The following RETREG1 variants were observed in gnomAD, a reference collection of about 807,000 sequenced individuals.
RETREG1 encodes family with sequence similarity 134 member B.
RETREG1 carries 44 observed loss-of-function variants against 54.8 expected under a neutral mutation model. The observed-to-expected ratio is 0.80, with a 90% CI of 0.63 to 1.03. The LOEUF is 1.03. RETREG1 is among the 50% of genes least tolerant of loss of function. The pLI, the probability that RETREG1 is intolerant of heterozygous loss-of-function variation, is 0.00. For missense variants in RETREG1, 554 were observed against 605.1 expected (o/e 0.92, Z 0.89); for synonymous variants, 217 against 238.5 (o/e 0.91, Z 0.83).
rs567475517 is a variant in RETREG1 at position 16,489,082 on chromosome 5, C to CAAAAAA, written c.459-5616_459-5611dup. 4.4e-4 allele frequency among the ~76,000 whole-genome samples: 28 copies of CAAAAAA among 62,974 alleles called. 1 individual carries two copies. Among genetic ancestry groups the CAAAAAA allele is most frequent in the Non-Finnish European group, 6.5e-4 (23 of 35,304 alleles). 41.3% of individuals were successfully genotyped at this position (62,974 alleles called of 152,430 possible). On this transcript the variant is annotated intron_variant, in intron 3 of 8. Transcript: ENST00000306320. ...TGGGCAACAGAGCGAGATTCTGTCTCAAAAAAAAAAAAAAAAAAAAAAAAA... is the reference window on the plus strand; with the variant it reads ...TGGGCAACAGAGCGAGATTCTGTCTCAAAAAAAAAAAAAAAAAAAAAAAAAAAAAAA...
chr5:16,494,217 T>C (rs926526453), intron 3 of RETREG1, among the ~76,000 whole-genome samples: 4 of 152,212 alleles, frequency 2.6e-5, no homozygotes, highest in Non-Finnish European at 4.4e-5. Context: ...TAAGCTATTA[T>C]GTAAATAGTA....
Position 16,606,215 on chromosome 5 carries a change from G to T in RETREG1, c.320+10437C>A, listed in dbSNP as rs992645438. On this transcript the variant is annotated intron_variant, in intron 1 of 8. Transcript: ENST00000306320. Reference sequence around the variant, plus strand: ...CAGCTAAGGCCAGGAAGGAGCAATTGCAAGTCAAGTACTGGATGACATTCG... The same window carrying T: ...CAGCTAAGGCCAGGAAGGAGCAATTTCAAGTCAAGTACTGGATGACATTCG... Among the ~76,000 whole-genome samples, 8 of 152,146 alleles carry T rather than the reference G, an allele frequency of 5.3e-5. No individual in the cohort carries two copies. In the South Asian group the frequency reaches 1.2e-3, roughly 24 times the overall value.
chr5:16,509,716 GCCA>G (rs752624169), intron 3 of RETREG1, among the ~76,000 whole-genome samples: 12 of 152,024 alleles, frequency 7.9e-5, no homozygotes, highest in Non-Finnish European at 1.8e-4. Flanking sequence ...AAAATGTGTT[GCCA>G]GGTGCTGTGG....
Position 16,474,724 on chromosome 5 carries a change from G to A in RETREG1, c.*17C>T. On this transcript the variant is annotated 3_prime_UTR_variant, in exon 9 of 9. Coordinates refer to ENST00000306320, the MANE Select transcript of RETREG1 (RefSeq NM_001034850.3). Reference sequence around the variant, plus strand: ...TTTTTGGTGTTTTTTGTGCTCTGTTGCAAGCTGATTCCTAGATTAATGGCC... The same window carrying A: ...TTTTTGGTGTTTTTTGTGCTCTGTTACAAGCTGATTCCTAGATTAATGGCC... 6.6e-7 allele frequency: 1 copy of A among 1,520,598 alleles called. No homozygotes were observed. The highest frequency in any genetic ancestry group is 8.8e-7 in the Non-Finnish European group (1 of 1,132,454). The allele number at this position is 1,520,598 out of a possible 1,614,324, so 94.2% of individuals were successfully genotyped here. A position where few individuals can be genotyped will look rare whatever the true frequency, so the allele number is the denominator to read the frequency against.
At position 16,593,497 on chromosome 5, in the gene RETREG1, G is replaced by C. The variant is rs1742829155; in HGVS notation, c.321-21395C>G. On this transcript the variant is annotated intron_variant, in intron 1 of 8. Transcript: ENST00000306320. This position sits in a 1 kb window ranked among gnomAD's most constrained non-coding sequence, Gnocchi z 4.9. ...TCAATTAATGTAATTAATTAACCAT[G>C]CATGTAATCAATGTAATCATTAATC... 6.6e-6 allele frequency among the ~76,000 whole-genome samples: 1 copy of C among 151,996 alleles called. No individual in the cohort carries two copies. The highest frequency in any genetic ancestry group is 2.1e-4 in the South Asian group (1 of 4,828).
chr5:16,521,146 G>T (rs577550022), intron 3 of RETREG1, among the ~76,000 whole-genome samples: 1 of 152,106 alleles, frequency 6.6e-6, no homozygotes, highest in East Asian at 1.9e-4. Flanking sequence ...TTTTATTCCT[G>T]CTTATTTCCT....
At chr5:16,502,322 T>C (rs1429949099) in intron 3 of RETREG1, among the ~76,000 whole-genome samples, 1 of 152,214 alleles carries the variant, frequency 6.6e-6, no homozygotes, top group Non-Finnish European at 1.5e-5. Context: ...TTGACATTCT[T>C]CCCAAGGGAA....
chr5:16,493,084 C>T (rs944035364), intron 3 of RETREG1, among the ~76,000 whole-genome samples: 5 of 151,886 alleles, frequency 3.3e-5, no homozygotes, highest in African/African-American at 9.7e-5. Context: ...CTATTTGGGG[C>T]TCTCCCTTTT....
rs1743528524 is a variant in RETREG1 at position 16,616,811 on chromosome 5, C to G, written c.161G>C (p.Gly54Ala). 1 of 1,518,884 alleles carries G rather than the reference C, an allele frequency of 6.6e-7. No individual in the cohort carries two copies. Among genetic ancestry groups the G allele is most frequent in the Non-Finnish European group, 8.8e-7 (1 of 1,140,596 alleles). The allele number at this position is 1,518,884 out of a possible 1,614,324, so 94.1% of individuals were successfully genotyped here. ...GCCCGCGGCCTCCTCCACCTGCAAC[C>G]CCGCGCCCTCCGCCGCCCCAGCTTC... is the stretch of plus-strand genomic sequence containing the variant. Reference protein sequence around the residue: ...AQEAGAAEGAGLQVEEAAGRA... With the variant: ...AQEAGAAEGAALQVEEAAGRA... The change falls in exon 1 of 9, where the codon GGG becomes GCG. Residue 54 changes from glycine to alanine, a missense_variant. Gly to Ala is a moderately conservative substitution (Grantham distance 60). This residue lies in a region of RETREG1 where 175 missense variants were observed against 142.1 expected (regional missense o/e 1.23). Coordinates refer to ENST00000306320, the MANE Select transcript of RETREG1 (RefSeq NM_001034850.3).
intron 1 of RETREG1, among the ~76,000 whole-genome samples, chr5:16,613,719 G>C (rs1196376433): frequency 1.3e-5 from 2 of 152,194 alleles, no homozygotes; most frequent in East Asian, 3.8e-4. Context: ...GCTTAAGACA[G>C]ATTTGGTTGG....
chr5:16,563,173 A>G (rs1022294078), intron 3 of RETREG1, among the ~76,000 whole-genome samples: 1 of 152,208 alleles, frequency 6.6e-6, no homozygotes, highest in Non-Finnish European at 1.5e-5. Context: ...CATACTTACA[A>G]ATCTTTGTCT....
chr5:16,578,313 C>T (rs248917), intron 1 of RETREG1, among the ~76,000 whole-genome samples: 135,706 of 152,290 alleles, frequency 0.89, 60,644 homozygotes, highest in African/African-American at 0.96. Context: ...CTCTTGAACA[C>T]GGTTACAATT....
At chr5:16,589,018 T>C (rs2126336674) in intron 1 of RETREG1, among the ~76,000 whole-genome samples, 1 of 152,336 alleles carries the variant, frequency 6.6e-6, no homozygotes, top group East Asian at 1.9e-4. Flanking sequence ...CCCGGGTCAC[T>C]CCGTGCATGC....
intron 3 of RETREG1, among the ~76,000 whole-genome samples, chr5:16,532,724 T>A (rs961340177): frequency 6.6e-6 from 1 of 152,230 alleles, no homozygotes; most frequent in African/African-American, 2.4e-5. Flanking sequence ...GCTAGGTTCC[T>A]TCATTGTTTA....
intron 3 of RETREG1, among the ~76,000 whole-genome samples, chr5:16,553,668 A>T (rs920678070): frequency 1.8e-4 from 28 of 152,144 alleles, no homozygotes; most frequent in African/African-American, 6.3e-4. Flanking sequence ...CTTCAGGACC[A>T]TGCTTGCTTC....
At chr5:16,575,713 C>T (rs755520677) in intron 1 of RETREG1, among the ~76,000 whole-genome samples, 1 of 152,320 alleles carries the variant, frequency 6.6e-6, no homozygotes, top group Non-Finnish European at 1.5e-5. Flanking sequence ...ATCGAGAATC[C>T]TCGGTCCACT....
In RETREG1 at chr5:16,474,548, C is replaced by A; in HGVS notation, c.*193G>T. ...TTCCATGCTTATTACACAAAAATAA[C>A]GATCAGAAATATCAATCTATCAGTG... On this transcript the variant is annotated 3_prime_UTR_variant, in exon 9 of 9. Transcript: ENST00000306320. 1 of 641,172 alleles carries A rather than the reference C, an allele frequency of 1.6e-6. No homozygotes were observed. Among genetic ancestry groups the A allele is most frequent in the African/African-American group, 1.8e-5 (1 of 54,280 alleles). 39.7% of individuals were successfully genotyped at this position (641,172 alleles called of 1,614,324 possible). A position where few individuals can be genotyped will look rare whatever the true frequency, so the allele number is the denominator to read the frequency against.
chr5:16,604,590 C>T (rs978248957), intron 1 of RETREG1, among the ~76,000 whole-genome samples: 1 of 152,226 alleles, frequency 6.6e-6, no homozygotes, highest in African/African-American at 2.4e-5. Flanking sequence ...CTCCCTCTGT[C>T]ATCTGAGTTC....
chr5:16,562,957 C>T (rs1741902682), intron 3 of RETREG1, among the ~76,000 whole-genome samples: 1 of 151,808 alleles, frequency 6.6e-6, no homozygotes. Context: ...GATTGTACCA[C>T]ACCAATGTAG....
Sources: gnomAD v4.1 joint callset for allele counts (sites outside exome capture counted in the v4.1 genomes callset) on GRCh38, gnomAD v4.1.1 for gene constraint, gnomAD v4.1.1 regional missense constraint, Gnocchi (gnomAD v3.1) non-coding constraint, MANE v1.5 for transcripts, NCBI Gene and HGNC (gene_info 2026-07-23, HGNC 2026-07-21) for gene names.